The following CLVS1 variants were observed in gnomAD, a reference collection of about 807,000 sequenced individuals.
CLVS1 encodes clavesin-1.
A neutral mutation model predicts 33.1 loss-of-function variants in CLVS1; 10 were observed. The observed-to-expected ratio is 0.30, with a 90% CI of 0.19 to 0.51. CLVS1 has a LOEUF of 0.51. Among genes scored for constraint, CLVS1 ranks in the 20% least tolerant of loss-of-function variants. The pLI, the probability that CLVS1 is intolerant of heterozygous loss-of-function variation, is 0.97. For synonymous variants in CLVS1, 163 were observed against 166.1 expected (o/e 0.98, Z 0.14); for missense variants, 343 against 433.4 (o/e 0.79, Z 1.85).
intron 2 of CLVS1, among the ~76,000 whole-genome samples, chr8:61,329,810 C>T (rs1811526006): frequency 6.6e-6 from 1 of 152,114 alleles, no homozygotes; most frequent in South Asian, 2.1e-4. Context: ...ACATTCCCTT[C>T]CCTATATAAC....
intron 1 of CLVS1, among the ~76,000 whole-genome samples, chr8:61,080,492 G>T (rs1805001857): frequency 6.6e-6 from 1 of 152,170 alleles, no homozygotes; most frequent in Admixed American, 6.5e-5. Context: ...AAATCTCTGA[G>T]TTCTAGCACT....
intron 1 of CLVS1, among the ~76,000 whole-genome samples, chr8:61,061,315 C>A (rs776469696): frequency 6.6e-6 from 1 of 152,152 alleles, no homozygotes; most frequent in Non-Finnish European, 1.5e-5. Context: ...AGGAAAGAGG[C>A]TCTTTCTTTT....
chr8:61,247,684 C>T (rs968924413), intron 2 of CLVS1, among the ~76,000 whole-genome samples: 4 of 152,140 alleles, frequency 2.6e-5, no homozygotes, highest in Non-Finnish European at 5.9e-5. Context: ...CTTATAGGTG[C>T]TGGATATTAG....
chr8:61,319,632 G>C (rs1368649367), intron 2 of CLVS1, among the ~76,000 whole-genome samples: 1 of 152,056 alleles, frequency 6.6e-6, no homozygotes, highest in African/African-American at 2.4e-5. Context: ...TCATTCCTCT[G>C]ATGAGTCCTG....
chr8:61,137,479 G>A lies in CLVS1; in HGVS notation c.-152+5619G>A, dbSNP rs1019911486. Among the ~76,000 whole-genome samples, 24 of 152,292 alleles carry A rather than the reference G, an allele frequency of 1.6e-4. 1 individual carries two copies. In the South Asian group the frequency reaches 3.5e-3, roughly 22 times the overall value. ...TTGTCTTCTTCAGTTGTCATGAGGT[G>A]TAGAAGGGATGTAAGAAGCACTTGA... On this transcript the variant is annotated intron_variant, in intron 2 of 2. Transcript: ENST00000522621.
At chr8:61,036,256 A>G in the CLVS1 span, among the ~76,000 whole-genome samples, 7 of 152,248 alleles carry the variant, frequency 4.6e-5, no homozygotes, top group African/African-American at 1.7e-4. Context: ...CTGAAACTCA[A>G]AAATGGGATT....
chr8:61,154,485 G>C (rs1672696121), intron 2 of CLVS1, among the ~76,000 whole-genome samples: 1 of 152,124 alleles, frequency 6.6e-6, no homozygotes, highest in African/African-American at 2.4e-5. Flanking sequence ...AAAATGTTCT[G>C]TTTTAATGGA....
At chr8:61,229,467 T>C (rs887079125) in intron 2 of CLVS1, among the ~76,000 whole-genome samples, 9 of 152,194 alleles carry the variant, frequency 5.9e-5, no homozygotes, top group African/African-American at 2.2e-4. Context: ...AATGACAAAG[T>C]AGCTTGCTGA....
At chr8:61,021,839 A>C in the CLVS1 span, among the ~76,000 whole-genome samples, 1 of 152,186 alleles carries the variant, frequency 6.6e-6, no homozygotes, top group African/African-American at 2.4e-5. Flanking sequence ...TAGTGAGTAT[A>C]GTATCCAATA....
the CLVS1 span, among the ~76,000 whole-genome samples, chr8:60,983,862 T>G: frequency 2.9e-4 from 44 of 152,342 alleles, no homozygotes; most frequent in African/African-American, 1.0e-3. Flanking sequence ...TAAAGCCTGG[T>G]AGGACTTTTG....
intron 1 of CLVS1, among the ~76,000 whole-genome samples, chr8:61,103,860 T>C (rs1372625357): frequency 6.6e-6 from 1 of 152,088 alleles, no homozygotes; most frequent in East Asian, 1.9e-4. Flanking sequence ...ACATTAGGGG[T>C]CTATTCTTGC....
At chr8:61,181,695 A>ATTTTT (rs1807234316) in intron 2 of CLVS1, among the ~76,000 whole-genome samples, 11 of 70,198 alleles carry the variant, frequency 1.6e-4, no homozygotes, top group Non-Finnish European at 3.0e-4. Flanking sequence ...CAACCATCTG[A>ATTTTT]TCTTTTTTTT....
At chr8:61,274,843 A>G (rs1013417300) in intron 2 of CLVS1, among the ~76,000 whole-genome samples, 2 of 152,102 alleles carry the variant, frequency 1.3e-5, no homozygotes, top group Non-Finnish European at 2.9e-5. Flanking sequence ...TCATGTTACA[A>G]CTCTGTCCAT....
chr8:61,305,231 A>C (rs922309269), intron 2 of CLVS1, among the ~76,000 whole-genome samples: 1 of 150,600 alleles, frequency 6.6e-6, no homozygotes, highest in African/African-American at 2.4e-5. Context: ...TTGAGGTAAA[A>C]TATATATATA....
the CLVS1 span, among the ~76,000 whole-genome samples, chr8:61,042,403 A>G: frequency 6.6e-6 from 1 of 152,218 alleles, no homozygotes; most frequent in South Asian, 2.1e-4. Context: ...TTCTTAGTCC[A>G]TTCAGGCCGT....
At chr8:61,243,525 C>T (rs758519430) in intron 2 of CLVS1, among the ~76,000 whole-genome samples, 33 of 152,132 alleles carry the variant, frequency 2.2e-4, no homozygotes, top group Non-Finnish European at 3.7e-4. Flanking sequence ...TCACTGTCAC[C>T]GTGACTGTGA....
At chr8:60,983,421 G>T in the CLVS1 span, among the ~76,000 whole-genome samples, 2 of 152,142 alleles carry the variant, frequency 1.3e-5, no homozygotes, top group African/African-American at 4.8e-5. Flanking sequence ...ATTGTTTTCC[G>T]GGATGCAGCT....
chr8:61,139,829 C>G (rs7017626), intron 2 of CLVS1, among the ~76,000 whole-genome samples: 101,696 of 152,026 alleles, frequency 0.67, 36,226 homozygotes, highest in East Asian at 0.97. Flanking sequence ...CATTCTCCTT[C>G]CCGGCTCCCT....
At chr8:61,410,041 A>G (rs1242963749) in intron 3 of CLVS1, among the ~76,000 whole-genome samples, 1 of 101,554 alleles carries the variant, frequency 9.8e-6, no homozygotes, top group Non-Finnish European at 2.2e-5. Flanking sequence ...ATTTTCTTTC[A>G]TTTGTCCTGG....
Sources: gnomAD v4.1 joint callset for allele counts (sites outside exome capture counted in the v4.1 genomes callset) on GRCh38, gnomAD v4.1.1 for gene constraint, MANE v1.5 for transcripts, NCBI Gene and HGNC (gene_info 2026-07-23, HGNC 2026-07-21) for gene names.